Variants in LARGE1 observed in about 807,000 individuals in gnomAD.
The protein encoded by LARGE1 is xylosyl- and glucuronyltransferase LARGE1.
Under a neutral mutation model 87.6 loss-of-function variants are expected in LARGE1, and 43 were observed. The observed-to-expected ratio is 0.49, with a 90% CI of 0.38 to 0.63. LARGE1 has a LOEUF of 0.63. LARGE1 is among the 30% of genes least tolerant of loss of function. The pLI is 0.00. For missense variants in LARGE1, 802 were observed against 1,000.2 expected (o/e 0.80, Z 2.67); for synonymous variants, 434 against 394.6 (o/e 1.10, Z -1.18).
At chr22:33,708,399 C>T (rs780017504) in intron 2 of LARGE1, among the ~76,000 whole-genome samples, 203 of 152,152 alleles carry the variant, frequency 1.3e-3, no homozygotes, top group Non-Finnish European at 2.0e-3. Flanking sequence ...CAGCCAGAAG[C>T]CCTCCTGAGT....
At chr22:33,827,283 T>C (rs993932135) in intron 1 of LARGE1, among the ~76,000 whole-genome samples, 3 of 151,664 alleles carry the variant, frequency 2.0e-5, no homozygotes, top group Non-Finnish European at 4.4e-5. Flanking sequence ...GGCAGGAGAA[T>C]GGCGTGAACC....
At chr22:33,158,670 TG>T (rs1385963650), downstream of LARGE1, among the ~76,000 whole-genome samples, 1 of 152,154 alleles carries the variant, frequency 6.6e-6, no homozygotes, top group Non-Finnish European at 1.5e-5. Context: ...GATAAAGAAT[TG>T]AGCCCCACAT....
intron 1 of LARGE1, among the ~76,000 whole-genome samples, chr22:33,791,311 C>T (rs528178377): frequency 6.6e-6 from 1 of 152,182 alleles, no homozygotes; most frequent in Admixed American, 6.5e-5. Flanking sequence ...AGAGCAGTCT[C>T]AAGAATTAAA....
chr22:33,526,447 T>C (rs1353610263), intron 6 of LARGE1, among the ~76,000 whole-genome samples: 2 of 152,258 alleles, frequency 1.3e-5, no homozygotes, highest in Admixed American at 6.5e-5. Flanking sequence ...AATGCTGGAC[T>C]TGGAGCCTTT....
intron 6 of LARGE1, among the ~76,000 whole-genome samples, chr22:33,472,700 A>G (rs1364026938): frequency 6.6e-6 from 1 of 152,218 alleles, no homozygotes; most frequent in Non-Finnish European, 1.5e-5. Flanking sequence ...AATCTAAACC[A>G]CATTTTACAT....
intron 1 of LARGE1, among the ~76,000 whole-genome samples, chr22:33,843,368 C>CA (rs1432347465): frequency 6.6e-6 from 1 of 151,496 alleles, no homozygotes; most frequent in Admixed American, 6.6e-5. Flanking sequence ...CCCCAGGAGA[C>CA]AGAGTTTGCA....
intron 7 of LARGE1, among the ~76,000 whole-genome samples, chr22:33,398,670 A>G (rs2065833281): frequency 6.6e-6 from 1 of 152,186 alleles, no homozygotes; most frequent in African/African-American, 2.4e-5. Flanking sequence ...CATGTGACCC[A>G]TTTTTTGGAA....
chr22:33,107,213 T>G, the LARGE1 span, among the ~76,000 whole-genome samples: 27 of 152,372 alleles, frequency 1.8e-4, no homozygotes, highest in African/African-American at 5.5e-4. Context: ...TTAATGACAT[T>G]TGCATTTTAA....
At chr22:33,197,804 A>G (rs1602078283) in intron 11 of LARGE1, among the ~76,000 whole-genome samples, 1 of 152,268 alleles carries the variant, frequency 6.6e-6, no homozygotes, top group Admixed American at 6.5e-5. Context: ...TGTTATGTAA[A>G]TATAAAAGGC....
chr22:33,354,784 T>C (rs1303004771), intron 9 of LARGE1, among the ~76,000 whole-genome samples: 3 of 152,228 alleles, frequency 2.0e-5, no homozygotes, highest in East Asian at 1.9e-4. Context: ...GGGATCCTTT[T>C]TGCAGTCATA....
intron 5 of LARGE1, among the ~76,000 whole-genome samples, chr22:33,572,773 G>C (rs2078243846): frequency 6.6e-6 from 1 of 152,166 alleles, no homozygotes; most frequent in South Asian, 2.1e-4. Flanking sequence ...GGGAGACTGA[G>C]TCAGGAGAAT....
intron 11 of LARGE1, among the ~76,000 whole-genome samples, chr22:33,265,872 C>T (rs1036832684): frequency 2.0e-5 from 3 of 151,960 alleles, no homozygotes; most frequent in Non-Finnish European, 2.9e-5. Context: ...CAAGGGGGTT[C>T]GTTAGAAAAT....
chr22:33,666,874 G>A (rs1260372629), intron 2 of LARGE1, among the ~76,000 whole-genome samples: 2 of 152,216 alleles, frequency 1.3e-5, no homozygotes, highest in South Asian at 2.1e-4. Context: ...CACAATGGGA[G>A]TGAGAATGCA....
At chr22:33,495,709 T>C (rs1036372740) in intron 6 of LARGE1, among the ~76,000 whole-genome samples, 11 of 152,128 alleles carry the variant, frequency 7.2e-5, no homozygotes, top group Non-Finnish European at 1.3e-4. Context: ...AGAGTGAGAC[T>C]CTGTCTCAAA....
chr22:33,278,291 G>GCAGAGAA (rs1929725171), intron 13 of LARGE1, among the ~76,000 whole-genome samples: 1 of 152,136 alleles, frequency 6.6e-6, no homozygotes, highest in Non-Finnish European at 1.5e-5. Context: ...AACCACCAGT[G>GCAGAGAA]ATCTGGGAAG....
At chr22:33,140,131 C>T in the LARGE1 span, among the ~76,000 whole-genome samples, 1 of 152,172 alleles carries the variant, frequency 6.6e-6, no homozygotes, top group Non-Finnish European at 1.5e-5. Context: ...GGTGGAAGAA[C>T]TCTGGGCTGC....
At chr22:33,869,444 G>A (rs2064209408) in intron 1 of LARGE1, among the ~76,000 whole-genome samples, 1 of 152,170 alleles carries the variant, frequency 6.6e-6, no homozygotes, top group Non-Finnish European at 1.5e-5. Flanking sequence ...AGCAACCCAG[G>A]GGTCTGAAAA....
intron 11 of LARGE1, among the ~76,000 whole-genome samples, chr22:33,253,692 ACAGAGCGAGACT>A (rs1235266625): frequency 6.6e-6 from 1 of 152,192 alleles, no homozygotes; most frequent in Non-Finnish European, 1.5e-5. Context: ...AGCCTGGACG[ACAGAGCGAGACT>A]CCATCGCAGG....
chr22:33,198,676 C>CAT (rs60375534), intron 11 of LARGE1, among the ~76,000 whole-genome samples: 42 of 148,570 alleles, frequency 2.8e-4, no homozygotes, highest in Middle Eastern at 3.6e-3. Context: ...CACACACACA[C>CAT]GTATCTAAAA....
Sources: gnomAD v4.1 joint callset for allele counts (sites outside exome capture counted in the v4.1 genomes callset) on GRCh38, gnomAD v4.1.1 for gene constraint, MANE v1.5 for transcripts, NCBI Gene and HGNC (gene_info 2026-07-23, HGNC 2026-07-21) for gene names.